Variants in DAB2IP observed in about 807,000 individuals in gnomAD.
DAB2IP encodes the protein DAB2 interacting protein, also known as disabled homolog 2-interacting protein.
A neutral mutation model predicts 107.2 loss-of-function variants in DAB2IP; 28 were observed. The observed-to-expected ratio is 0.26, with a 90% CI of 0.19 to 0.36. DAB2IP has a LOEUF of 0.36. DAB2IP is among the 10% of genes least tolerant of loss of function. DAB2IP has a pLI of 1.00. For synonymous variants in DAB2IP, 755 were observed against 706.4 expected, an observed-to-expected ratio of 1.07 and a Z score of -1.09; for missense variants, 1,400 against 1,644.7, an observed-to-expected ratio of 0.85 and a Z score of 2.57.
chr9:121,699,657 G>A lies in DAB2IP; in HGVS notation c.362+199G>A, dbSNP rs1829660131. On this transcript the variant is annotated intron_variant, in intron 3 of 15. Transcript: ENST00000408936. This position sits in a 1 kb window ranked among gnomAD's most constrained non-coding sequence, Gnocchi z 6.2. ...GGAGGACCCTGTGCCTCCCTCCGGG[G>A]TTAGGTGAGTAGAAGAGAGGAGAGC... is the stretch of plus-strand genomic sequence containing the variant. Among the ~76,000 whole-genome samples the A allele has an allele frequency of 6.6e-6, 1 of 151,990 alleles. No homozygotes were observed. The highest frequency in any genetic ancestry group is 6.5e-5 in the Admixed American group (1 of 15,280).
chr9:121,751,945 TC>T (rs1833148181), intron 3 of DAB2IP: 2 of 985,310 alleles, frequency 2.0e-6, no homozygotes, highest in African/African-American at 3.5e-5. Context: ...GCCACCTCCT[TC>T]CTGGGAGCAG....
exon 12 of DAB2IP, chr9:121,773,443 C>T (rs965971785): frequency 5.2e-6 from 8 of 1,545,296 alleles, no homozygotes; most frequent in Admixed American, 2.0e-5. Flanking sequence ...CAGCAGTCCT[C>T]TTCCTCCAAG....
At chr9:121,774,780 C>G (rs555013478) in intron 13 of DAB2IP, among the ~76,000 whole-genome samples, 110 of 152,216 alleles carry the variant, frequency 7.2e-4, no homozygotes, top group African/African-American at 2.5e-3. Flanking sequence ...TATAGAAGCC[C>G]CCCTGAGGGA....
At chr9:121,759,111 A>G (rs1277385932) in intron 5 of DAB2IP, 115 bp downstream of exon 5, 5 of 1,056,892 alleles carry the variant, frequency 4.7e-6, no homozygotes, top group African/African-American at 3.1e-5. Context: ...GTCAGCCTGC[A>G]TGGAGGCAGG....
chr9:121,647,481 C>T (rs1215021740), upstream of DAB2IP, among the ~76,000 whole-genome samples: 1 of 152,186 alleles, frequency 6.6e-6, no homozygotes, highest in Admixed American at 6.5e-5. Context: ...TGCTGACCCA[C>T]CCTGGCCTGG....
chr9:121,703,249 T>C (rs1391691577), intron 3 of DAB2IP, among the ~76,000 whole-genome samples: 1 of 152,108 alleles, frequency 6.6e-6, no homozygotes, highest in Non-Finnish European at 1.5e-5. Flanking sequence ...GTGAGGAAGG[T>C]TGATGAGGAA....
chr9:121,570,962 C>T (rs1829925595), intron 1 of DAB2IP, among the ~76,000 whole-genome samples: 1 of 152,078 alleles, frequency 6.6e-6, no homozygotes, highest in African/African-American at 2.4e-5. Context: ...GTGCCTGCCT[C>T]CTCTGCTCCT....
chr9:121,602,077 T>C (rs778905941), intron 1 of DAB2IP, among the ~76,000 whole-genome samples: 8 of 152,086 alleles, frequency 5.3e-5, no homozygotes, highest in Non-Finnish European at 1.2e-4. Flanking sequence ...TTCCTGCAGG[T>C]CACAGTTCGA....
upstream of DAB2IP, among the ~76,000 whole-genome samples, chr9:121,646,762 G>A (rs1162066075): frequency 6.6e-6 from 1 of 151,950 alleles, no homozygotes; most frequent in African/African-American, 2.4e-5. Flanking sequence ...TGACAAAGCT[G>A]GCTATTAAAG....
At chr9:121,711,240 C>T (rs932137583) in intron 3 of DAB2IP, among the ~76,000 whole-genome samples, 1 of 152,120 alleles carries the variant, frequency 6.6e-6, no homozygotes, top group African/African-American at 2.4e-5. Flanking sequence ...TGGGCGTTTG[C>T]GATGAGAGAA....
Position 121,780,207 on chromosome 9 carries a change from G to A in DAB2IP, c.3315-1257G>A, listed in dbSNP as rs919063726. On this transcript the variant is annotated intron_variant, in intron 14 of 15. Coordinates refer to ENST00000408936, the Ensembl canonical transcript of DAB2IP. The stretch of plus-strand genomic sequence containing the variant: ...GGCCCTATTTGTTTTTAAGACAAGA[G>A]AGTAAATACAATCTCCTTCCAATCT... 2.6e-5 allele frequency among the ~76,000 whole-genome samples: 4 copies of A among 152,156 alleles called. No individual in the cohort carries two copies. The East Asian group carries it at 7.7e-4, about 29-fold the overall frequency.
Position 121,763,655 on chromosome 9 carries a change from G to C in DAB2IP, c.1315+6G>C. The C allele has an allele frequency of 1.2e-6, 2 of 1,612,812 alleles. No individual in the cohort carries two copies. The highest frequency in any genetic ancestry group is 1.7e-6 in the Non-Finnish European group (2 of 1,179,376). ...GTACCTGCAGGACGCCCTAGGTAGG[G>C]AGTGGGCCAGCAGCAGGGCAGAGGG... On this transcript the variant is annotated splice_donor_region_variant and intron_variant, in intron 7 of 15. Coordinates refer to ENST00000408936, the Ensembl canonical transcript of DAB2IP.
chr9:121,735,167 G>A (rs907597187), intron 3 of DAB2IP, among the ~76,000 whole-genome samples: 5 of 152,240 alleles, frequency 3.3e-5, no homozygotes, highest in African/African-American at 1.2e-4. Flanking sequence ...CTGGCTGGGA[G>A]CCTTTTAGGC....
At chr9:121,567,228 G>A (rs1328209385) in exon 1 of DAB2IP, 3 of 1,613,990 alleles carry the variant, frequency 1.9e-6, no homozygotes, top group Non-Finnish European at 2.5e-6. Flanking sequence ...CGACTCCTAC[G>A]GTAAGACGGT....
chr9:121,715,498 A>G (rs1465033149), intron 3 of DAB2IP, among the ~76,000 whole-genome samples: 1 of 151,220 alleles, frequency 6.6e-6, no homozygotes, highest in Non-Finnish European at 1.5e-5. Flanking sequence ...GACTACAGGC[A>G]CCTACCACCA....
chr9:121,763,208 C>T (rs568774118), intron 6 of DAB2IP, among the ~76,000 whole-genome samples: 13 of 152,246 alleles, frequency 8.5e-5, no homozygotes, highest in African/African-American at 2.4e-4. Flanking sequence ...AGTCCATTCT[C>T]TGTGGTGGTG....
chr9:121,689,352 G>A (rs1323448531), intron 2 of DAB2IP, among the ~76,000 whole-genome samples: 1 of 151,694 alleles, frequency 6.6e-6, no homozygotes, highest in Non-Finnish European at 1.5e-5. Flanking sequence ...GCCTTCTGAG[G>A]CCAGGACTCC....
At chr9:121,668,058 G>A (rs1054341617) in intron 1 of DAB2IP, among the ~76,000 whole-genome samples, 1 of 152,106 alleles carries the variant, frequency 6.6e-6, no homozygotes, top group East Asian at 1.9e-4. Flanking sequence ...AGAACGCTAT[G>A]GGGAAACCGC....
chr9:121,629,808 C>T (rs190903274), intron 1 of DAB2IP, among the ~76,000 whole-genome samples: 4 of 152,198 alleles, frequency 2.6e-5, no homozygotes, highest in African/African-American at 4.8e-5. Context: ...GTCAGGGCCT[C>T]GGCAGCCAGC....
Sources: allele counts gnomAD v4.1 joint callset (sites outside exome capture counted in the v4.1 genomes callset), GRCh38; gene constraint gnomAD v4.1.1; non-coding constraint Gnocchi (gnomAD v3.1); transcripts MANE v1.5; gene names NCBI Gene and HGNC (gene_info 2026-07-23, HGNC 2026-07-21).